Variants in ACTL8 observed in about 807,000 individuals in gnomAD.
ACTL8 encodes the protein actin-like protein 8.
ACTL8 carries 3 observed loss-of-function variants against 9.3 expected under a neutral mutation model. The ratio of observed to expected loss-of-function variants is 0.32; its 90% CI spans 0.15 to 0.83. The LOEUF (loss-of-function observed/expected upper bound fraction) is 0.83, where lower values mean the gene tolerates loss of function less well. Ranked by LOEUF, ACTL8 falls within the 40% of genes least tolerant of loss-of-function variation. The pLI is 0.57. For missense variants in ACTL8, 381 were observed against 492.2 expected, an observed-to-expected ratio of 0.77 and a Z score of 2.14; for synonymous variants, 224 against 205.9, an observed-to-expected ratio of 1.09 and a Z score of -0.75.
intron 1 of ACTL8, among the ~76,000 whole-genome samples, chr1:17,801,746 T>C (rs1321359993): frequency 6.6e-6 from 1 of 152,136 alleles, no homozygotes; most frequent in Non-Finnish European, 1.5e-5. Flanking sequence ...TCATCTAAAA[T>C]TGAGAATTAT....
intron 1 of ACTL8, among the ~76,000 whole-genome samples, chr1:17,773,938 A>G (rs1056193379): frequency 2.0e-5 from 3 of 152,212 alleles, no homozygotes; most frequent in Admixed American, 2.0e-4. Flanking sequence ...AGTGACGTTT[A>G]TGTAATGCCT....
At chr1:17,760,707 C>T (rs2065994622) in intron 1 of ACTL8, among the ~76,000 whole-genome samples, 1 of 142,998 alleles carries the variant, frequency 7.0e-6, no homozygotes, top group South Asian at 2.2e-4. Context: ...CTGATGCCTT[C>T]TTGTGGCATC....
chr1:17,825,720 G>C, intron 2 of ACTL8, 47 bp from the exon 3 acceptor site: 3 of 1,579,004 alleles, frequency 1.9e-6, no homozygotes, highest in Non-Finnish European at 2.6e-6. Context: ...TTTGACTGCT[G>C]AGCAGGCTGG....
intron 1 of ACTL8, among the ~76,000 whole-genome samples, chr1:17,757,137 AATAAT>A (rs1423198397): frequency 6.6e-6 from 1 of 152,162 alleles, no homozygotes; most frequent in Non-Finnish European, 1.5e-5. Context: ...TCTAAAAAAT[AATAAT>A]ATAATAAGAA....
intron 1 of ACTL8, among the ~76,000 whole-genome samples, chr1:17,764,171 C>A (rs998372101): frequency 6.6e-6 from 1 of 152,134 alleles, no homozygotes; most frequent in African/African-American, 2.4e-5. Context: ...TGGTCCAGTT[C>A]CCGGCTGACA....
chr1:17,785,189 CA>C (rs1158801267), intron 1 of ACTL8, among the ~76,000 whole-genome samples: 1 of 152,188 alleles, frequency 6.6e-6, no homozygotes, highest in Non-Finnish European at 1.5e-5. Context: ...CCAGAAGAGC[CA>C]GTCTATATGA....
At chr1:17,772,791 T>C (rs1012451393) in intron 1 of ACTL8, among the ~76,000 whole-genome samples, 2 of 152,138 alleles carry the variant, frequency 1.3e-5, no homozygotes, top group African/African-American at 2.4e-5. Context: ...CAGAGGGGTG[T>C]TTCTGGGGCC....
At chr1:17,795,173 A>G (rs1426928965) in intron 1 of ACTL8, among the ~76,000 whole-genome samples, 1 of 152,188 alleles carries the variant, frequency 6.6e-6, no homozygotes, top group African/African-American at 2.4e-5. Context: ...AAAGTCACTC[A>G]TGTTCCATGT....
chr1:17,807,467 C>T (rs999350751), intron 1 of ACTL8, among the ~76,000 whole-genome samples: 3 of 152,144 alleles, frequency 2.0e-5, no homozygotes, highest in African/African-American at 7.2e-5. Context: ...TAGTACTGAT[C>T]TCCTAGAGTT....
intron 1 of ACTL8, among the ~76,000 whole-genome samples, chr1:17,801,431 C>G (rs1285279464): frequency 1.3e-5 from 2 of 152,172 alleles, no homozygotes; most frequent in African/African-American, 4.8e-5. Context: ...CTACAAGATA[C>G]CAAGATGGCC....
Position 17,825,948 on chromosome 1 carries a change from GC to G in ACTL8, c.532del (p.Gln178ArgfsTer29). 1 of 1,611,120 alleles carries G rather than the reference GC, an allele frequency of 6.2e-7. No individual in the cohort carries two copies. Among genetic ancestry groups the G allele is most frequent in the Non-Finnish European group, 8.5e-7 (1 of 1,180,010 alleles). The part of the protein sequence containing the change: ...PASGKTLEFA[G>X]QDLSAYLLKS... ...AGCGGCAAGACGCTGGAGTTCGCCG[GC>G]CAGGATCTCTCCGCCTATCTCCTCA... On this transcript the variant is annotated frameshift_variant, in exon 3 of 3. Transcript: ENST00000375406. LOFTEE classifies it low-confidence loss of function (END_TRUNC).
At chr1:17,783,357 TTTTTTTTAA>T (rs2066170718) in intron 1 of ACTL8, among the ~76,000 whole-genome samples, 9 of 131,842 alleles carry the variant, frequency 6.8e-5, no homozygotes, top group African/African-American at 2.5e-4. Flanking sequence ...GTTTTGTTTT[TTTTTTTTAA>T]AAAAACTCCA....
chr1:17,777,996 C>T (rs2066129029), intron 1 of ACTL8, among the ~76,000 whole-genome samples: 1 of 152,206 alleles, frequency 6.6e-6, no homozygotes, highest in African/African-American at 2.4e-5. Context: ...CCGTTCCTAG[C>T]CCCGCCGCCT....
At chr1:17,785,569 G>A (rs1294025154) in intron 1 of ACTL8, among the ~76,000 whole-genome samples, 2 of 152,092 alleles carry the variant, frequency 1.3e-5, no homozygotes, top group African/African-American at 4.8e-5. Flanking sequence ...GGTCCTTCAG[G>A]GTCTTAGATT....
chr1:17,814,427 T>C (rs1320820626), intron 1 of ACTL8, among the ~76,000 whole-genome samples: 2 of 150,568 alleles, frequency 1.3e-5, no homozygotes, highest in East Asian at 4.0e-4. Context: ...AGCAAGACTC[T>C]ATATCTACCA....
intron 1 of ACTL8, among the ~76,000 whole-genome samples, chr1:17,782,492 G>A (rs1318237115): frequency 1.3e-5 from 2 of 152,080 alleles, no homozygotes; most frequent in Non-Finnish European, 2.9e-5. Flanking sequence ...TGCATAGATC[G>A]CCACGGCGGC....
Position 17,826,715 on chromosome 1 carries a change from A to T in ACTL8, c.*196A>T, listed in dbSNP as rs1393360787. On this transcript the variant is annotated 3_prime_UTR_variant, in exon 3 of 3. Transcript: ENST00000375406. This position sits in a 1 kb window ranked among gnomAD's most constrained non-coding sequence, Gnocchi z 4.5. ...GAGTGGGACCTACCCAAGGGGGAAG[A>T]CAAGATGTCATCCTTGGAAACCCTG... The T allele has an allele frequency of 2.1e-6, 1 of 486,526 alleles. No homozygotes were observed. The highest frequency in any genetic ancestry group is 3.4e-6 in the Non-Finnish European group (1 of 295,400). The allele number at this position is 486,526 out of a possible 1,614,324, so 30.1% of individuals were successfully genotyped here. A position where few individuals can be genotyped will look rare whatever the true frequency, so the allele number is the denominator to read the frequency against.
intron 1 of ACTL8, among the ~76,000 whole-genome samples, chr1:17,806,662 G>C (rs2066361843): frequency 1.3e-5 from 2 of 152,238 alleles, no homozygotes; most frequent in South Asian, 4.1e-4. Flanking sequence ...CTTGTAGCCA[G>C]ACAAAGCCCA....
intron 1 of ACTL8, among the ~76,000 whole-genome samples, chr1:17,802,845 C>T (rs1043813489): frequency 2.0e-4 from 30 of 152,024 alleles, no homozygotes; most frequent in African/African-American, 6.0e-4. Flanking sequence ...ATTAGCTGGG[C>T]GTGGTGGTGG....
Sources: gnomAD v4.1 joint callset for allele counts (sites outside exome capture counted in the v4.1 genomes callset) on GRCh38, gnomAD v4.1.1 for gene constraint, Gnocchi (gnomAD v3.1) non-coding constraint, MANE v1.5 for transcripts, NCBI Gene and HGNC (gene_info 2026-07-23, HGNC 2026-07-21) for gene names.